PDS5B: variants seen among roughly 807,000 people sequenced by gnomAD.
The protein encoded by PDS5B is PDS5 cohesin associated factor B, also known as sister chromatid cohesion protein PDS5 homolog B.
A neutral mutation model predicts 184.1 loss-of-function variants in PDS5B; 51 were observed. The observed-to-expected ratio is 0.28, with a 90% CI of 0.22 to 0.35. The LOEUF (loss-of-function observed/expected upper bound fraction) is 0.35, where lower values mean the gene tolerates loss of function less well. Ranked by LOEUF, PDS5B falls within the 10% of genes least tolerant of loss-of-function variation. PDS5B has a pLI of 1.00. For synonymous variants in PDS5B, 566 were observed against 569.2 expected (o/e 0.99, Z 0.08); for missense variants, 1,180 against 1,723.3 (o/e 0.68, Z 5.58).
chr13:32,705,875 C>T (rs922920617), intron 17 of PDS5B, among the ~76,000 whole-genome samples: 3 of 152,096 alleles, frequency 2.0e-5, no homozygotes, highest in Non-Finnish European at 2.9e-5. Context: ...TTATGTTGCT[C>T]AGGCTGGTCT....
chr13:32,634,871 G>A (rs896151086), intron 1 of PDS5B, among the ~76,000 whole-genome samples: 1 of 151,238 alleles, frequency 6.6e-6, no homozygotes, highest in Non-Finnish European at 1.5e-5. Flanking sequence ...ATGAGCCACC[G>A]TGCCCAGCCA....
At chr13:32,637,919 C>A (rs1461756871) in intron 1 of PDS5B, among the ~76,000 whole-genome samples, 1 of 152,156 alleles carries the variant, frequency 6.6e-6, no homozygotes. Flanking sequence ...TTACTGAAAA[C>A]AACTGTTCCC....
chr13:32,605,871 C>G (rs2058052362), intron 1 of PDS5B, among the ~76,000 whole-genome samples: 1 of 150,894 alleles, frequency 6.6e-6, no homozygotes, highest in Non-Finnish European at 1.5e-5. Context: ...AGTCTGTTAT[C>G]AGAGACTAGG....
intron 16 of PDS5B, chr13:32,701,054 A>C (rs1003276987): frequency 6.2e-5 from 14 of 225,364 alleles, no homozygotes; most frequent in Admixed American, 1.6e-4. Flanking sequence ...TGAGACAGGG[A>C]CCTTACTTTG....
At chr13:32,712,728 G>C (rs942391422) in intron 19 of PDS5B, among the ~76,000 whole-genome samples, 4 of 152,154 alleles carry the variant, frequency 2.6e-5, no homozygotes, top group Admixed American at 1.3e-4. Flanking sequence ...CACACTTTAA[G>C]AGAAAGAAAG....
chr13:32,648,517 G>A (rs1447849228), intron 1 of PDS5B, among the ~76,000 whole-genome samples: 1 of 151,932 alleles, frequency 6.6e-6, no homozygotes, highest in African/African-American at 2.4e-5. Flanking sequence ...TAGTTGGAGG[G>A]TTAGGACAAA....
At chr13:32,696,152 C>G (rs992955654) in intron 14 of PDS5B, among the ~76,000 whole-genome samples, 5 of 152,008 alleles carry the variant, frequency 3.3e-5, no homozygotes, top group African/African-American at 1.2e-4. Flanking sequence ...TAGGGATGGT[C>G]TTTTTGTGTA....
chr13:32,676,576 A>G (rs1222414409), intron 9 of PDS5B, among the ~76,000 whole-genome samples: 2 of 152,092 alleles, frequency 1.3e-5, no homozygotes, highest in Non-Finnish European at 2.9e-5. Flanking sequence ...TCTGACTCAG[A>G]AAAAAAGAGA....
chr13:32,596,488 G>C (rs2057873224), intron 1 of PDS5B, among the ~76,000 whole-genome samples: 1 of 152,124 alleles, frequency 6.6e-6, no homozygotes, highest in South Asian at 2.1e-4. Context: ...TTTTGCAAGT[G>C]TGTGTTTTCA....
chr13:32,704,416 G>A (rs938056972), intron 17 of PDS5B, among the ~76,000 whole-genome samples: 9 of 152,272 alleles, frequency 5.9e-5, no homozygotes, highest in Admixed American at 5.2e-4. Flanking sequence ...TGATCTGCCC[G>A]CCTTGGCCTC....
At chr13:32,650,191 A>AT (rs1170990942) in intron 2 of PDS5B, 1 of 152,050 alleles carries the variant, frequency 6.6e-6, no homozygotes, top group African/African-American at 2.4e-5. Flanking sequence ...AGGAATTCCC[A>AT]TTTTCTGGAC....
chr13:32,648,945 G>A, intron 2 of PDS5B, 65 bp downstream of exon 2: 1 of 788,666 alleles, frequency 1.3e-6, no homozygotes, highest in Non-Finnish European at 2.3e-6. Context: ...AAATCACATG[G>A]GGCTATAATG....
At chr13:32,596,473 G>C (rs933346465) in intron 1 of PDS5B, among the ~76,000 whole-genome samples, 3 of 152,184 alleles carry the variant, frequency 2.0e-5, no homozygotes, top group Admixed American at 6.5e-5. Flanking sequence ...GGCCTATACA[G>C]ATCTTTTTGC....
At chr13:32,716,858 C>T (rs1159086820) in intron 19 of PDS5B, among the ~76,000 whole-genome samples, 4 of 128,850 alleles carry the variant, frequency 3.1e-5, no homozygotes, top group African/African-American at 5.6e-5. Flanking sequence ...GTCAGCCCCC[C>T]GCCCGGCCAG....
intron 1 of PDS5B, among the ~76,000 whole-genome samples, chr13:32,629,481 A>C (rs2058422419): frequency 6.6e-6 from 1 of 152,162 alleles, no homozygotes; most frequent in Non-Finnish European, 1.5e-5. Flanking sequence ...AGGGATAAAA[A>C]GGGGTGGTTA....
Position 32,724,314 on chromosome 13 carries a change from C to T in PDS5B, c.2124-7787C>T, listed in dbSNP as rs746067334. Among the ~76,000 whole-genome samples, 24 of 151,972 alleles carry T rather than the reference C, an allele frequency of 1.6e-4. 1 individual carries two copies. Among genetic ancestry groups the T allele is most frequent in the Non-Finnish European group, 2.8e-4 (19 of 68,000 alleles). ...AACTTTTTGTAGAGATGGAGTCTCT[C>T]ATTATGTTGCCCAGACTGGTCTCAA... is the stretch of plus-strand genomic sequence containing the variant. On this transcript the variant is annotated intron_variant, in intron 19 of 34. Coordinates refer to ENST00000315596, the MANE Select transcript of PDS5B (RefSeq NM_015032.4).
intron 1 of PDS5B, among the ~76,000 whole-genome samples, chr13:32,622,348 T>C (rs1010042253): frequency 9.9e-5 from 15 of 152,208 alleles, no homozygotes; most frequent in African/African-American, 2.9e-4. Context: ...TCCTAACATA[T>C]GGAAATGACT....
At chr13:32,656,995 T>C (rs1018971695) in intron 3 of PDS5B, among the ~76,000 whole-genome samples, 13 of 152,186 alleles carry the variant, frequency 8.5e-5, no homozygotes, top group Non-Finnish European at 1.6e-4. Context: ...TTTTATGGCT[T>C]ATTATGTGGT....
At chr13:32,707,515 C>T (rs1241349435) in intron 18 of PDS5B, among the ~76,000 whole-genome samples, 1 of 150,180 alleles carries the variant, frequency 6.7e-6, no homozygotes, top group Non-Finnish European at 1.5e-5. Flanking sequence ...TAGTTGGGAT[C>T]ATTGAGATCA....
Sources: allele counts gnomAD v4.1 joint callset (sites outside exome capture counted in the v4.1 genomes callset), GRCh38; gene constraint gnomAD v4.1.1; transcripts MANE v1.5; gene names NCBI Gene and HGNC (gene_info 2026-07-23, HGNC 2026-07-21).